The following CREB3L3 variants were observed in gnomAD, a reference collection of about 807,000 sequenced individuals.
CREB3L3 encodes cAMP responsive element binding protein 3 like 3.
In CREB3L3, 40 loss-of-function variants were observed where a neutral mutation model predicts 44.6. The observed-to-expected ratio is 0.90, with a 90% CI of 0.70 to 1.17. CREB3L3 has a LOEUF of 1.17. Ranked by LOEUF, CREB3L3 falls within the 50% of genes most tolerant of loss-of-function variation. The pLI, the probability that CREB3L3 is intolerant of heterozygous loss-of-function variation, is 0.00. For synonymous variants in CREB3L3, 273 were observed against 256.3 expected (o/e 1.06, Z -0.62); for missense variants, 578 against 595.8 (o/e 0.97, Z 0.31).
chr19:4,158,050 G>A (rs1321584286), intron 3 of CREB3L3, among the ~76,000 whole-genome samples: 2 of 152,090 alleles, frequency 1.3e-5, no homozygotes, highest in Non-Finnish European at 2.9e-5. Flanking sequence ...CCTCCTAGAC[G>A]TGGGGAACAG....
chr19:4,170,055 T>C (rs1967008502), intron 6 of CREB3L3, 85 bp from the exon 7 acceptor site: 3 of 1,324,730 alleles, frequency 2.3e-6, no homozygotes, highest in Non-Finnish European at 3.3e-6. Context: ...TCTTGGCTTG[T>C]AACGTGAGGC....
chr19:4,157,460 G>A (rs2041600693), intron 3 of CREB3L3, among the ~76,000 whole-genome samples, 165 bp downstream of exon 3: 1 of 152,140 alleles, frequency 6.6e-6, no homozygotes, highest in African/African-American at 2.4e-5. Context: ...CCCTTGGCTA[G>A]GTGTTTCCAT....
chr19:4,161,761 A>G (rs576013595), intron 4 of CREB3L3, among the ~76,000 whole-genome samples: 1 of 152,328 alleles, frequency 6.6e-6, no homozygotes, highest in South Asian at 2.1e-4. Context: ...AGTGAAGGCC[A>G]GGGTGCCCCT....
Position 4,168,365 on chromosome 19 carries a change from G to A in CREB3L3, c.729G>A (p.Val243=). 3.7e-6 allele frequency: 6 copies of A among 1,610,190 alleles called. No homozygotes were observed. Among genetic ancestry groups the A allele is most frequent in the Non-Finnish European group, 5.1e-6 (6 of 1,177,666 alleles). ...QLPLTKYEER[V]LKKIRRKIRN... ...TCACTTGGCAGTACGAGGAGCGAGT[G>A]CTGAAAAAAATCCGCCGGAAAATCC... is the stretch of plus-strand genomic sequence containing the variant. The change falls in exon 6 of 10, where the codon GTG becomes GTA. Residue 243 remains valine (V), a synonymous_variant. Transcript: ENST00000078445.
Position 4,159,720 on chromosome 19 carries a change from C to G in CREB3L3, c.514C>G (p.Leu172Val). 6.2e-7 allele frequency: 1 copy of G among 1,603,408 alleles called. No individual in the cohort carries two copies. The highest frequency in any genetic ancestry group is 8.5e-7 in the Non-Finnish European group (1 of 1,170,314). Reference sequence around the variant, plus strand: ...TGAGAAGCCGGCTGATCCGGTGGACCTGTCCCCACGATGCAATCTCACCGT... The same window carrying G: ...TGAGAAGCCGGCTGATCCGGTGGACGTGTCCCCACGATGCAATCTCACCGT... ...CAEKPADPVDLSPRCNLTVKD... is the reference protein window; with the variant it reads ...CAEKPADPVDVSPRCNLTVKD... Residue 172 changes from leucine to valine, a missense_variant, in exon 4 of 10, where the codon CTG becomes GTG. Leu to Val is a conservative substitution (Grantham distance 32). Coordinates refer to ENST00000078445, the MANE Select transcript of CREB3L3 (RefSeq NM_032607.3).
intron 7 of CREB3L3, 132 bp from the exon 8 acceptor site, chr19:4,170,956 AAAT>A: frequency 2.2e-6 from 1 of 453,988 alleles, no homozygotes; most frequent in Non-Finnish European, 4.0e-6. Context: ...TAAATAAAAT[AAAT>A]AATAAAGAGC....
At chr19:4,157,997 A>G (rs1330717206) in intron 3 of CREB3L3, among the ~76,000 whole-genome samples, 1 of 152,058 alleles carries the variant, frequency 6.6e-6, no homozygotes, top group Non-Finnish European at 1.5e-5. Context: ...TAGATGCTCA[A>G]TAAAAGTGCA....
intron 4 of CREB3L3, 51 bp downstream of exon 4, chr19:4,159,833 C>G: frequency 1.2e-5 from 10 of 845,924 alleles, no homozygotes; most frequent in Non-Finnish European, 1.9e-5. Context: ...GAGGGCTGCT[C>G]GGGTTCGAGG....
At chr19:4,157,347 T>C (rs778200134) in intron 3 of CREB3L3, 52 bp downstream of exon 3, 3 of 1,590,580 alleles carry the variant, frequency 1.9e-6, no homozygotes, top group African/African-American at 2.7e-5. Context: ...CCAGGGCCCT[T>C]CCTGTAAGTG....
At chr19:4,154,623 C>T (rs147148530) in intron 1 of CREB3L3, among the ~76,000 whole-genome samples, 1 of 152,038 alleles carries the variant, frequency 6.6e-6, no homozygotes, top group Admixed American at 6.6e-5. Context: ...ATCCTCCTGC[C>T]CCGGCCTCCC....
chr19:4,154,880 T>A lies in CREB3L3; in HGVS notation c.28-19T>A. 6.2e-7 allele frequency: 1 copy of A among 1,613,760 alleles called. No individual in the cohort carries two copies. The highest frequency in any genetic ancestry group is 1.1e-5 in the South Asian group (1 of 91,088). On this transcript the variant is annotated intron_variant, in intron 1 of 9. Transcript: ENST00000078445. ...ACAGGGGCTGTATGTGACCCTCACA[T>A]CTGTTCCTCGCGCCCCAGATGGCTT... is the stretch of plus-strand genomic sequence containing the variant.
rs113783181 is a variant in CREB3L3 at position 4,172,162 on chromosome 19, C to A, written c.*193C>A. On this transcript the variant is annotated 3_prime_UTR_variant, in exon 10 of 10. Coordinates refer to ENST00000078445, the MANE Select transcript of CREB3L3 (RefSeq NM_032607.3). ...CCACGCAGGAACCGACACTCAGACA[C>A]AAGGCAAAGAGGGCCACAGGACCCG... The A allele has an allele frequency of 8.0e-3, 5,159 of 641,862 alleles. 214 individuals are homozygous for A. The African/African-American group carries it at 0.085, about 11-fold the overall frequency. The allele number at this position is 641,862 out of a possible 1,614,324, so 39.8% of individuals were successfully genotyped here.
Position 4,172,290 on chromosome 19 carries a change from C to T in CREB3L3, c.*321C>T, listed in dbSNP as rs903191279. ...ACAGCCTGAAACAGACCCGGACAGACAGACACAGCCTGAAACAGACCCAGA... is the reference window on the plus strand; with the variant it reads ...ACAGCCTGAAACAGACCCGGACAGATAGACACAGCCTGAAACAGACCCAGA... On this transcript the variant is annotated 3_prime_UTR_variant, in exon 10 of 10. Coordinates refer to ENST00000078445, the MANE Select transcript of CREB3L3 (RefSeq NM_032607.3). 9.9e-6 allele frequency: 5 copies of T among 505,204 alleles called. No homozygotes were observed. The Admixed American group carries it at 1.8e-4, about 18-fold the overall frequency. The allele number at this position is 505,204 out of a possible 1,614,324, so 31.3% of individuals were successfully genotyped here.
At chr19:4,170,556 G>A (rs1389046350) in intron 7 of CREB3L3, among the ~76,000 whole-genome samples, 1 of 151,752 alleles carries the variant, frequency 6.6e-6, no homozygotes, top group Non-Finnish European at 1.5e-5. Flanking sequence ...AGGTTGCCGT[G>A]AGCCGAGATC....
In CREB3L3 at chr19:4,171,519, C is replaced by G; in HGVS notation, c.1072+40C>G. 6.2e-7 allele frequency: 1 copy of G among 1,609,512 alleles called. No homozygotes were observed. ...CCTTTGAAACCCTTGTCTGGTCTCC[C>G]CAAGTCCCCGTCCTGGGCCTCTGGG... On this transcript the variant is annotated intron_variant, in intron 9 of 9. Coordinates refer to ENST00000078445, the MANE Select transcript of CREB3L3 (RefSeq NM_032607.3). This position sits in a 1 kb window ranked among gnomAD's most constrained non-coding sequence, Gnocchi z 4.9.
chr19:4,157,331 C>T, intron 3 of CREB3L3, 36 bp downstream of exon 3: 1 of 1,608,484 alleles, frequency 6.2e-7, no homozygotes, highest in South Asian at 1.1e-5. Context: ...CCGCCCTCAC[C>T]TTGTTCCAGG....
At chr19:4,155,132 C>T in intron 2 of CREB3L3, 105 bp downstream of exon 2, 1 of 1,418,826 alleles carries the variant, frequency 7.0e-7, no homozygotes, top group Non-Finnish European at 9.8e-7. Flanking sequence ...GAGCTCTGCT[C>T]AGCTCTACGA....
chr19:4,163,607 G>C (rs2041689387), intron 4 of CREB3L3, among the ~76,000 whole-genome samples: 1 of 152,028 alleles, frequency 6.6e-6, no homozygotes, highest in South Asian at 2.1e-4. Context: ...CTGCCTCCCG[G>C]GTTCAAGCGG....
In CREB3L3 at chr19:4,164,529, C is replaced by T. The variant is rs1433306229; in HGVS notation, c.603C>T (p.Tyr201=). ...AACAGCATCACCTGGGGGCCTCCTA[C>T]CTCCTGCGACCTGGGGCTGGGCACT... The part of the protein sequence containing the change: ...DLQQHHLGAS[Y]LLRPGAGHCQ... The change falls in exon 5 of 10, where the codon TAC becomes TAT. Residue 201 remains tyrosine (Y), a synonymous_variant. Coordinates refer to ENST00000078445, the MANE Select transcript of CREB3L3 (RefSeq NM_032607.3). 6.2e-6 allele frequency: 10 copies of T among 1,613,998 alleles called. No individual in the cohort carries two copies. The highest frequency in any genetic ancestry group is 7.6e-6 in the Non-Finnish European group (9 of 1,180,042).
Sources: allele counts gnomAD v4.1 joint callset (sites outside exome capture counted in the v4.1 genomes callset), GRCh38; gene constraint gnomAD v4.1.1; non-coding constraint Gnocchi (gnomAD v3.1); transcripts MANE v1.5; gene names NCBI Gene and HGNC (gene_info 2026-07-23, HGNC 2026-07-21).